The following SI variants were observed in gnomAD, a reference collection of about 807,000 sequenced individuals.
SI encodes the protein sucrase-isomaltase, intestinal.
In SI, 235 loss-of-function variants were observed where a neutral mutation model predicts 253.3. The ratio of observed to expected loss-of-function variants is 0.93; its 90% CI spans 0.83 to 1.03. SI has a LOEUF of 1.03. Ranked by LOEUF, SI falls within the 50% of genes least tolerant of loss-of-function variation. SI has a pLI of 0.00. For missense variants in SI, 2,442 were observed against 2,211.1 expected, an observed-to-expected ratio of 1.10 and a Z score of -2.09; for synonymous variants, 819 against 712.0, an observed-to-expected ratio of 1.15 and a Z score of -2.39.
chr3:165,043,746 CTGTG>C (rs1329995327), intron 16 of SI, among the ~76,000 whole-genome samples: 1 of 151,882 alleles, frequency 6.6e-6, no homozygotes, highest in Non-Finnish European at 1.5e-5. Context: ...TTTATTTTTT[CTGTG>C]TAAGTATATA....
chr3:165,065,058 C>A (rs1714168788), intron 7 of SI, among the ~76,000 whole-genome samples: 2 of 151,820 alleles, frequency 1.3e-5, no homozygotes, highest in Non-Finnish European at 2.9e-5. Context: ...CCTGTGAAAA[C>A]CTTTACAAAA....
At chr3:164,996,472 T>C (rs1233615521) in intron 40 of SI, 63 bp downstream of exon 40, 1 of 924,104 alleles carries the variant, frequency 1.1e-6, no homozygotes, top group Non-Finnish European at 1.8e-6. Flanking sequence ...CCATGTACAC[T>C]AAAGTATAAT....
rs566002300 is a variant in SI at position 164,983,063 on chromosome 3, GA to G, written c.5198-13del. On this transcript the variant is annotated splice_polypyrimidine_tract_variant and intron_variant, in intron 45 of 47. Coordinates refer to ENST00000264382, the MANE Select transcript of SI (RefSeq NM_001041.4). Reference sequence around the variant, plus strand: ...TCTTTCATAGGTGTCTGTAGAGAGAGAAAAAAAATGTGATATATTGTTATTT... The same window carrying G: ...TCTTTCATAGGTGTCTGTAGAGAGAGAAAAAAATGTGATATATTGTTATTT... 34 of 1,536,330 alleles carry G rather than the reference GA, an allele frequency of 2.2e-5. No individual in the cohort carries two copies. The highest frequency in any genetic ancestry group is 9.3e-5 in the East Asian group (4 of 43,034).
At chr3:165,025,230 T>C (rs1235995745) in intron 25 of SI, among the ~76,000 whole-genome samples, 2 of 151,110 alleles carry the variant, frequency 1.3e-5, no homozygotes, top group Non-Finnish European at 3.0e-5. Context: ...AATAGAATCA[T>C]ACAGGCAGAG....
In SI at chr3:164,996,722, G is replaced by A. The variant is rs1430199779; in HGVS notation, c.4575+16C>T. 2 of 1,189,206 alleles carry A rather than the reference G, an allele frequency of 1.7e-6. No individual in the cohort carries two copies. Among genetic ancestry groups the A allele is most frequent in the Non-Finnish European group, 2.5e-6 (2 of 804,858 alleles). The allele number at this position is 1,189,206 out of a possible 1,614,324, so 73.7% of individuals were successfully genotyped here. On this transcript the variant is annotated intron_variant, in intron 39 of 47. Transcript: ENST00000264382. ...TGTTTATAATTTATGAAGATAAAAG[G>A]AATAAAACTACTTACATATGACATT...
At chr3:165,048,791 A>T (rs1173348092) in intron 15 of SI, among the ~76,000 whole-genome samples, 1 of 151,480 alleles carries the variant, frequency 6.6e-6, no homozygotes, top group Non-Finnish European at 1.5e-5. Flanking sequence ...CTAGATTTGT[A>T]CTTTTAATAG....
chr3:164,995,486 C>T (rs1246849709), intron 40 of SI, among the ~76,000 whole-genome samples: 1 of 151,710 alleles, frequency 6.6e-6, no homozygotes, highest in African/African-American at 2.4e-5. Flanking sequence ...TTCATTTGTA[C>T]CAACTCATAT....
rs1268076451 is a variant in SI, at chr3:164,987,307, T to A, written c.5109-81A>T. The A allele has an allele frequency of 6.1e-6, 7 of 1,150,972 alleles. No individual in the cohort carries two copies. In the African/African-American group the frequency reaches 1.1e-4, roughly 18 times the overall value. 71.3% of individuals were successfully genotyped at this position (1,150,972 alleles called of 1,614,324 possible). A position where few individuals can be genotyped will look rare whatever the true frequency, so the allele number is the denominator to read the frequency against. Reference sequence around the variant, plus strand: ...TTATGATATGACATCCACATAAGGATCTATAGGAACCCAAGCATTAAGGAG... The same window carrying A: ...TTATGATATGACATCCACATAAGGAACTATAGGAACCCAAGCATTAAGGAG... On this transcript the variant is annotated intron_variant, in intron 44 of 47. Transcript: ENST00000264382.
At chr3:165,055,990 T>G (rs926672696) in intron 12 of SI, among the ~76,000 whole-genome samples, 22 of 152,150 alleles carry the variant, frequency 1.4e-4, no homozygotes, top group Non-Finnish European at 2.9e-5. Flanking sequence ...GAGTCCATGC[T>G]GTTAAACACT....
chr3:165,017,598 A>T lies in SI; in HGVS notation c.3709T>A (p.Ser1237Thr). ...QLCRYGYANT[S>T]EVRELYDAMV... The stretch of plus-strand genomic sequence containing the variant: ...GCGTCATATAATTCCCGAACCTCTG[A>T]AGTATTTGCATATCCATAACGACAT... Residue 1237 changes from serine to threonine, a missense_variant, in exon 31 of 48, where the codon TCA becomes ACA. Physicochemically the swap from Ser to Thr is moderately conservative, Grantham distance 58. Coordinates refer to ENST00000264382, the MANE Select transcript of SI (RefSeq NM_001041.4). 6 of 1,612,848 alleles carry T rather than the reference A, an allele frequency of 3.7e-6. No homozygotes were observed. Among genetic ancestry groups the T allele is most frequent in the Non-Finnish European group, 5.1e-6 (6 of 1,179,094 alleles).
chr3:165,060,244 C>T (rs1405069633), intron 9 of SI, among the ~76,000 whole-genome samples: 1 of 151,812 alleles, frequency 6.6e-6, no homozygotes, highest in Non-Finnish European at 1.5e-5. Flanking sequence ...TTGTACTTCA[C>T]GTTTTAGTTT....
chr3:165,059,936 A>G lies in SI; in HGVS notation c.1112T>C (p.Val371Ala). 2 of 1,612,146 alleles carry G rather than the reference A, an allele frequency of 1.2e-6. No individual in the cohort carries two copies. The highest frequency in any genetic ancestry group is 8.5e-7 in the Non-Finnish European group (1 of 1,178,666). The change falls in exon 10 of 48, where the codon GTG becomes GCG. Residue 371 changes from valine (V) to alanine (A), a missense_variant. By Grantham distance (64) the Val-to-Ala change is moderately conservative. Coordinates refer to ENST00000264382, the MANE Select transcript of SI (RefSeq NM_001041.4). ...GCCAGCTTCCCGGTTTCTCCTTACC[A>G]CTTCTTTCACTACATCTAGTGACTT... ...NYKSLDVVKE[V>A]VRRNREAGIP...
intron 6 of SI, 46 bp from the exon 7 acceptor site, chr3:165,065,478 TATATATATATATATATGA>T (rs747825056): frequency 3.7e-6 from 1 of 270,398 alleles, no homozygotes; most frequent in Non-Finnish European, 6.0e-6. Context: ...TATATATATA[TATATATATATATATATGA>T]TATTCTACCA....
intron 37 of SI, among the ~76,000 whole-genome samples, chr3:165,000,487 C>T (rs1306887651): frequency 6.6e-6 from 1 of 151,288 alleles, no homozygotes; most frequent in African/African-American, 2.4e-5. Flanking sequence ...GATAAATAAG[C>T]TAATTAGCCT....
At chr3:164,980,932 T>C (rs1559974148) in intron 47 of SI, among the ~76,000 whole-genome samples, 1 of 151,984 alleles carries the variant, frequency 6.6e-6, no homozygotes, top group Non-Finnish European at 1.5e-5. Context: ...TGATTGAACA[T>C]TGGACCGTGC....
Position 165,015,214 on chromosome 3 carries a change from T to A in SI, c.3908A>T (p.Asn1303Ile). 1 of 1,612,902 alleles carries A rather than the reference T, an allele frequency of 6.2e-7. No homozygotes were observed. The highest frequency in any genetic ancestry group is 1.1e-5 in the South Asian group (1 of 91,066). Residue 1303 changes from asparagine (N) to isoleucine (I), a missense_variant, in exon 33 of 48, where the codon AAT (asparagine) becomes ATT (isoleucine). Coordinates refer to ENST00000264382, the MANE Select transcript of SI (RefSeq NM_001041.4). ...IIILDPAISGNETKTYPAFER... is the reference protein window; with the variant it reads ...IIILDPAISGIETKTYPAFER... The stretch of plus-strand genomic sequence containing the variant: ...AAATGCAGGGTAAGTCTTTGTTTCA[T>A]TTCCTGAAATTGCTGGATCCTAAAA...
chr3:165,065,660 T>A (rs1189521488), intron 6 of SI, among the ~76,000 whole-genome samples: 1 of 150,948 alleles, frequency 6.6e-6, no homozygotes, highest in Non-Finnish European at 1.5e-5. Context: ...CACATCCATT[T>A]CTTTACTTTT....
At position 164,998,688 on chromosome 3, in the gene SI, A is replaced by G. The variant is rs769801101; in HGVS notation, c.4407-15T>C. 1 of 1,607,300 alleles carries G rather than the reference A, an allele frequency of 6.2e-7. No individual in the cohort carries two copies. The highest frequency in any genetic ancestry group is 1.7e-5 in the Admixed American group (1 of 59,712). On this transcript the variant is annotated splice_polypyrimidine_tract_variant and intron_variant, in intron 37 of 47. Coordinates refer to ENST00000264382, the MANE Select transcript of SI (RefSeq NM_001041.4). ...TCTGCAATGCACTAATATAGTAGAG[A>G]AGTATTTTTGAGTTTTTACATGAGA...
chr3:165,065,269 G>A lies in SI; in HGVS notation c.799C>T (p.Pro267Ser). 2 of 1,595,352 alleles carry A rather than the reference G, an allele frequency of 1.3e-6. No homozygotes were observed. Among genetic ancestry groups the A allele is most frequent in the Non-Finnish European group, 1.7e-6 (2 of 1,165,280 alleles). Residue 267 changes from proline (P) to serine (S), a missense_variant, in exon 7 of 48, where the codon CCT becomes TCT. Transcript: ENST00000264382. ...TWPIFTRDQL[P>S]GDNNNNLYGH... is the part of the protein sequence containing the mutation. ...GAAAAATAATTTCTTACATCACCAG[G>A]AAGTTGGTCTCGAGTAAAAATTGGC...
Sources: gnomAD v4.1 joint callset for allele counts (sites outside exome capture counted in the v4.1 genomes callset) on GRCh38, gnomAD v4.1.1 for gene constraint, MANE v1.5 for transcripts, NCBI Gene and HGNC (gene_info 2026-07-23, HGNC 2026-07-21) for gene names.